Variants in RAP1B observed in about 807,000 individuals in gnomAD.
RAP1B encodes the protein ras-related protein Rap-1b.
In RAP1B, 1 loss-of-function variant was observed where a neutral mutation model predicts 27.5. That is an observed-to-expected ratio of 0.04 (90% CI 0.01 to 0.17). RAP1B has a LOEUF of 0.17. RAP1B is among the 10% of genes least tolerant of loss of function. The pLI is 1.00. For synonymous variants in RAP1B, 75 were observed against 73.1 expected (o/e 1.03, Z -0.13); for missense variants, 84 against 214.8 (o/e 0.39, Z 3.81).
intron 1 of RAP1B, among the ~76,000 whole-genome samples, chr12:68,636,050 T>C (rs1376180400): frequency 1.3e-5 from 2 of 150,808 alleles, no homozygotes; most frequent in Non-Finnish European, 3.0e-5. Flanking sequence ...GAGTATTTTT[T>C]TTTTTTGTAT....
At chr12:68,654,470 A>T (rs1267163883) in intron 5 of RAP1B, among the ~76,000 whole-genome samples, 1 of 151,880 alleles carries the variant, frequency 6.6e-6, no homozygotes, top group Admixed American at 6.6e-5. Context: ...TTATCCTGTG[A>T]AAATTAAATG....
intron 3 of RAP1B, among the ~76,000 whole-genome samples, chr12:68,651,249 A>G (rs1469687266): frequency 1.3e-5 from 2 of 152,224 alleles, no homozygotes; most frequent in African/African-American, 4.8e-5. Flanking sequence ...AGCATGTGAC[A>G]ATAAAACAAT....
chr12:68,652,711 G>A (rs1045178743), intron 4 of RAP1B, among the ~76,000 whole-genome samples: 4 of 151,708 alleles, frequency 2.6e-5, no homozygotes, highest in Admixed American at 1.3e-4. Flanking sequence ...CCAGTTACTT[G>A]GGAGGCTGAG....
chr12:68,637,270 G>A (rs1339941240), intron 1 of RAP1B, among the ~76,000 whole-genome samples: 1 of 152,028 alleles, frequency 6.6e-6, no homozygotes, highest in East Asian at 1.9e-4. Context: ...ACTCGGTACA[G>A]TCAGTATTGT....
Position 68,660,392 on chromosome 12 carries a change from A to G in RAP1B, c.*1143A>G, listed in dbSNP as rs1449369277. 1 of 151,668 alleles carries G rather than the reference A, an allele frequency of 6.6e-6. No homozygotes were observed. The highest frequency in any genetic ancestry group is 1.5e-5 in the Non-Finnish European group (1 of 67,830). 9.4% of individuals were successfully genotyped at this position (151,668 alleles called of 1,614,324 possible). On this transcript the variant is annotated 3_prime_UTR_variant, in exon 8 of 8. Transcript: ENST00000250559. ...GGAGCCACAGTATTTAAATTGACCA[A>G]CCTAATGTTACAACTACTTTGAGGT...
chr12:68,613,410 G>GAAAAA (rs1565653558), intron 1 of RAP1B, among the ~76,000 whole-genome samples: 8 of 144,324 alleles, frequency 5.5e-5, no homozygotes, highest in African/African-American at 2.1e-4. Flanking sequence ...AAAAAAAAAG[G>GAAAAA]AGATAAGAAA....
intron 1 of RAP1B, among the ~76,000 whole-genome samples, chr12:68,621,193 G>A (rs1277960457): frequency 1.3e-5 from 2 of 152,202 alleles, no homozygotes; most frequent in Non-Finnish European, 2.9e-5. Context: ...CTGCCTGCAT[G>A]TGCTAATCCC....
intron 3 of RAP1B, 38 bp downstream of exon 3, chr12:68,650,506 T>A (rs745516402): frequency 7.3e-7 from 1 of 1,372,316 alleles, no homozygotes; most frequent in Non-Finnish European, 9.8e-7. Flanking sequence ...CTTTTGATTT[T>A]AATATAAATA....
At chr12:68,653,824 G>A (rs923556729) in intron 4 of RAP1B, among the ~76,000 whole-genome samples, 5 of 151,922 alleles carry the variant, frequency 3.3e-5, no homozygotes, top group Admixed American at 1.3e-4. Flanking sequence ...CCAGCTACTC[G>A]GGAGGCTGAG....
intron 1 of RAP1B, among the ~76,000 whole-genome samples, chr12:68,616,539 AG>A (rs1210187705): frequency 7.1e-6 from 1 of 140,356 alleles, no homozygotes; most frequent in African/African-American, 2.7e-5. Flanking sequence ...CTCCGCCTCC[AG>A]GTTCAAGCAG....
intron 4 of RAP1B, 147 bp downstream of exon 4, chr12:68,652,198 C>G: frequency 1.8e-6 from 1 of 569,524 alleles, no homozygotes; most frequent in Non-Finnish European, 3.0e-6. Context: ...CTATTCCCAG[C>G]ACTTCGGGAG....
intron 1 of RAP1B, among the ~76,000 whole-genome samples, chr12:68,637,618 A>AAAC (rs1872718690): frequency 6.6e-6 from 1 of 150,510 alleles, no homozygotes; most frequent in African/African-American, 2.4e-5. Flanking sequence ...AAAAAAAAAA[A>AAAC]AAAAAAAAAA....
At chr12:68,616,436 TA>T (rs1416399303) in intron 1 of RAP1B, among the ~76,000 whole-genome samples, 1 of 138,364 alleles carries the variant, frequency 7.2e-6, no homozygotes, top group Non-Finnish European at 1.6e-5. Flanking sequence ...TGTGCCTGGC[TA>T]ATTTTTTTTT....
chr12:68,617,002 T>C (rs932999864), intron 1 of RAP1B, among the ~76,000 whole-genome samples: 1 of 152,222 alleles, frequency 6.6e-6, no homozygotes. Context: ...TTTGTCTATT[T>C]AGTAGCAATT....
rs768021620 is a variant in RAP1B at position 68,662,514 on chromosome 12, C to T, written c.*3265C>T. The stretch of plus-strand genomic sequence containing the variant: ...TGCCGTTTTTTTTTTTAAATCATTC[C>T]GTCTTTAGTTGTGGGACAGCAAACT... On this transcript the variant is annotated 3_prime_UTR_variant, in exon 8 of 8. Transcript: ENST00000250559. 2.6e-5 allele frequency: 4 copies of T among 151,196 alleles called. No individual in the cohort carries two copies. Among genetic ancestry groups the T allele is most frequent in the Admixed American group, 6.6e-5 (1 of 15,186 alleles). 9.4% of individuals were successfully genotyped at this position (151,196 alleles called of 1,614,324 possible). A position where few individuals can be genotyped will look rare whatever the true frequency, so the allele number is the denominator to read the frequency against.
Position 68,667,132 on chromosome 12 carries a change from A to C in RAP1B, c.*7883A>C, listed in dbSNP as rs929367924. On this transcript the variant is annotated 3_prime_UTR_variant, in exon 8 of 8. Transcript: ENST00000250559. Reference sequence around the variant, plus strand: ...TACTTAGATCTAATAGTAATATAACAAACTTTTCTTTTTCATTTTCAGACA... The same window carrying C: ...TACTTAGATCTAATAGTAATATAACCAACTTTTCTTTTTCATTTTCAGACA... The C allele has an allele frequency of 3.3e-5, 5 of 152,196 alleles. No individual in the cohort carries two copies. Among genetic ancestry groups the C allele is most frequent in the African/African-American group, 1.2e-4 (5 of 41,442 alleles). 9.4% of individuals were successfully genotyped at this position (152,196 alleles called of 1,614,324 possible). A position where few individuals can be genotyped will look rare whatever the true frequency, so the allele number is the denominator to read the frequency against.
intron 7 of RAP1B, among the ~76,000 whole-genome samples, chr12:68,658,528 A>G (rs964209591): frequency 1.3e-5 from 2 of 152,252 alleles, no homozygotes; most frequent in African/African-American, 4.8e-5. Context: ...CCAGAAAAAT[A>G]TAATAGGGAA....
At chr12:68,638,210 ACTT>A (rs1872758199) in intron 1 of RAP1B, among the ~76,000 whole-genome samples, 1 of 151,998 alleles carries the variant, frequency 6.6e-6, no homozygotes, top group Non-Finnish European at 1.5e-5. Context: ...CTTGTTTTTA[ACTT>A]CTTTTTATAT....
intron 1 of RAP1B, among the ~76,000 whole-genome samples, chr12:68,644,772 T>C (rs1158930818): frequency 7.6e-6 from 1 of 131,926 alleles, no homozygotes; most frequent in African/African-American, 2.9e-5. Flanking sequence ...CACTGCAACC[T>C]CCACCTCCTG....
Sources: allele counts gnomAD v4.1 joint callset (sites outside exome capture counted in the v4.1 genomes callset), GRCh38; gene constraint gnomAD v4.1.1; transcripts MANE v1.5; gene names NCBI Gene and HGNC (gene_info 2026-07-23, HGNC 2026-07-21).